The following PRR11 variants were observed in gnomAD, a reference collection of about 807,000 sequenced individuals.
PRR11 encodes proline rich 11.
Under a neutral mutation model 45.6 loss-of-function variants are expected in PRR11, and 30 were observed. The observed-to-expected ratio is 0.66, with a 90% CI of 0.49 to 0.89. PRR11 has a LOEUF of 0.89. Ranked by LOEUF, PRR11 falls within the 40% of genes least tolerant of loss-of-function variation. The pLI is 0.00. For missense variants in PRR11, 373 were observed against 424.8 expected (o/e 0.88, Z 1.07); for synonymous variants, 128 against 153.5 (o/e 0.83, Z 1.23).
chr17:59,205,611 A>ATGG lies in PRR11; in HGVS notation c.*3981_*3983dup, dbSNP rs1259163985. ...CAGCTACTGGGAAGGCTGAGCCAGA[A>ATGG]TGGCTTGAACCTGGGAGGCAGAGGT... On this transcript the variant is annotated 3_prime_UTR_variant, in exon 10 of 10. Transcript: ENST00000262293. Among the ~76,000 whole-genome samples the ATGG allele has an allele frequency of 6.6e-6, 1 of 151,546 alleles. No homozygotes were observed. Among genetic ancestry groups the ATGG allele is most frequent in the African/African-American group, 2.4e-5 (1 of 41,186 alleles).
intron 4 of PRR11, among the ~76,000 whole-genome samples, chr17:59,192,483 C>T (rs540673919): frequency 6.6e-6 from 1 of 152,106 alleles, no homozygotes; most frequent in South Asian, 2.1e-4. Flanking sequence ...AACAAAATAC[C>T]ACAGGCTGGG....
chr17:59,158,893 T>C (rs145785418), intron 1 of PRR11, among the ~76,000 whole-genome samples: 471 of 152,358 alleles, frequency 3.1e-3, no homozygotes, highest in African/African-American at 0.011. Flanking sequence ...TGATCTTGGC[T>C]CACTGCAACC....
chr17:59,173,511 C>T (rs546670366), intron 2 of PRR11, among the ~76,000 whole-genome samples: 39 of 152,180 alleles, frequency 2.6e-4, no homozygotes, highest in African/African-American at 7.2e-4. Flanking sequence ...CCGGGAGGAA[C>T]GAATAACTCC....
chr17:59,186,381 A>ATTTTTTTTT (rs59082405), intron 4 of PRR11, among the ~76,000 whole-genome samples: 5 of 84,664 alleles, frequency 5.9e-5, no homozygotes, highest in South Asian at 3.8e-4. Context: ...GCTGTTTGTA[A>ATTTTTTTTT]TTTTTTTTTT....
At chr17:59,194,289 A>ACACACACACACAC (rs1204704157) in intron 5 of PRR11, among the ~76,000 whole-genome samples, 5 of 151,736 alleles carry the variant, frequency 3.3e-5, no homozygotes, top group African/African-American at 1.2e-4. Context: ...ACACACACAC[A>ACACACACACACAC]CACACACACA....
At chr17:59,187,409 A>C (rs1039158547) in intron 4 of PRR11, among the ~76,000 whole-genome samples, 4 of 151,912 alleles carry the variant, frequency 2.6e-5, no homozygotes, top group African/African-American at 9.7e-5. Flanking sequence ...CCTCTCTACT[A>C]AAATACAAAA....
intron 4 of PRR11, among the ~76,000 whole-genome samples, chr17:59,191,380 C>T (rs1197043028): frequency 1.3e-5 from 2 of 151,600 alleles, no homozygotes; most frequent in Admixed American, 6.6e-5. Context: ...CACCACGCCT[C>T]GCTAATTTTT....
chr17:59,186,362 A>G (rs1265871523), intron 4 of PRR11, among the ~76,000 whole-genome samples: 3 of 141,068 alleles, frequency 2.1e-5, no homozygotes, highest in African/African-American at 7.8e-5. Context: ...TCTGAAAAAA[A>G]TTTTGCCAGC....
At chr17:59,184,656 GC>G (rs2046804668) in intron 2 of PRR11, among the ~76,000 whole-genome samples, 1 of 152,034 alleles carries the variant, frequency 6.6e-6, no homozygotes, top group Non-Finnish European at 1.5e-5. Flanking sequence ...GCTTTAAACC[GC>G]CAGAGCTGGG....
chr17:59,192,167 A>C (rs757620506), intron 4 of PRR11, among the ~76,000 whole-genome samples: 2 of 152,188 alleles, frequency 1.3e-5, no homozygotes, highest in Admixed American at 6.6e-5. Flanking sequence ...CAGAGAATGC[A>C]TACAGAGAAG....
In PRR11 at chr17:59,205,686, C is replaced by G. The variant is rs1170136184; in HGVS notation, c.*4055C>G. Among the ~76,000 whole-genome samples the G allele has an allele frequency of 6.9e-6, 1 of 145,562 alleles. No individual in the cohort carries two copies. Among genetic ancestry groups the G allele is most frequent in the Non-Finnish European group, 1.5e-5 (1 of 66,748 alleles). On this transcript the variant is annotated 3_prime_UTR_variant, in exon 10 of 10. Transcript: ENST00000262293. ...TGCACTCCAGCTTGAGCAACAAGAG[C>G]GAAACTGTCTCAAAAAAAAAAAAAA...
chr17:59,200,213 G>A (rs933800295), intron 9 of PRR11, among the ~76,000 whole-genome samples: 14 of 152,146 alleles, frequency 9.2e-5, no homozygotes, highest in African/African-American at 3.4e-4. Context: ...CCAACCCTTA[G>A]GCTTCTTTTT....
chr17:59,185,615 T>C, intron 4 of PRR11, 53 bp downstream of exon 4: 1 of 1,456,802 alleles, frequency 6.9e-7, no homozygotes, highest in Non-Finnish European at 9.4e-7. Context: ...GAGACACTTT[T>C]TTTGAAAAGA....
Position 59,206,240 on chromosome 17 carries a change from C to T in PRR11, c.*4609C>T, listed in dbSNP as rs2046917659. Among the ~76,000 whole-genome samples, 1 of 152,020 alleles carries T rather than the reference C, an allele frequency of 6.6e-6. No individual in the cohort carries two copies. Among genetic ancestry groups the T allele is most frequent in the Non-Finnish European group, 1.5e-5 (1 of 68,000 alleles). On this transcript the variant is annotated 3_prime_UTR_variant, in exon 10 of 10. Coordinates refer to ENST00000262293, the MANE Select transcript of PRR11 (RefSeq NM_018304.4). Reference sequence around the variant, plus strand: ...AATTAGCCGGGAGCGGTGATGTGTGCCTGTAGTCCCAGCTACTCAGGAGAC... The same window carrying T: ...AATTAGCCGGGAGCGGTGATGTGTGTCTGTAGTCCCAGCTACTCAGGAGAC...
At chr17:59,197,868 C>G (rs1258274639) in intron 9 of PRR11, 79 bp downstream of exon 9, 2 of 1,290,668 alleles carry the variant, frequency 1.5e-6, no homozygotes, top group African/African-American at 2.9e-5. Context: ...GACTGTAATC[C>G]TAACACTTTG....
intron 3 of PRR11, 93 bp downstream of exon 3, chr17:59,185,297 G>C: frequency 6.5e-7 from 1 of 1,526,794 alleles, no homozygotes; most frequent in Non-Finnish European, 8.9e-7. Flanking sequence ...CAACCCTCAA[G>C]CTAAACTTAG....
chr17:59,199,842 G>A (rs561995511), intron 9 of PRR11, among the ~76,000 whole-genome samples: 43 of 152,160 alleles, frequency 2.8e-4, no homozygotes, highest in Non-Finnish European at 4.4e-4. Context: ...AGCTTTCTGC[G>A]TAGTGGAGAT....
chr17:59,201,484 G>A (rs2046892022), intron 9 of PRR11, 79 bp from the exon 10 acceptor site: 1 of 1,448,222 alleles, frequency 6.9e-7, no homozygotes, highest in Non-Finnish European at 9.5e-7. Context: ...CAAAAATTCT[G>A]GGTTCTGTTG....
At chr17:59,174,471 A>G (rs1325740502) in intron 2 of PRR11, among the ~76,000 whole-genome samples, 1 of 152,074 alleles carries the variant, frequency 6.6e-6, no homozygotes, top group Non-Finnish European at 1.5e-5. Flanking sequence ...ACCTCCCCGA[A>G]CTCAGTATTT....
Sources: allele counts gnomAD v4.1 joint callset (sites outside exome capture counted in the v4.1 genomes callset), GRCh38; gene constraint gnomAD v4.1.1; transcripts MANE v1.5; gene names NCBI Gene and HGNC (gene_info 2026-07-23, HGNC 2026-07-21).